Variants in ERC2 observed in about 807,000 individuals in gnomAD.
ERC2 encodes the protein ELKS/RAB6-interacting/CAST family member 2.
In ERC2, 42 loss-of-function variants were observed where a neutral mutation model predicts 114.8. That is an observed-to-expected ratio of 0.37 (90% CI 0.29 to 0.47). The LOEUF (loss-of-function observed/expected upper bound fraction) is 0.47, where lower values mean the gene tolerates loss of function less well. ERC2 is among the 20% of genes least tolerant of loss of function. The probability of loss-of-function intolerance (pLI) is 0.99; values close to 1 mark genes in which losing one functional copy is unlikely to be tolerated. For missense variants in ERC2, 939 were observed against 1,150.7 expected (o/e 0.82, Z 2.66); for synonymous variants, 454 against 425.5 (o/e 1.07, Z -0.82).
At chr3:56,401,168 G>A (rs751345582) in intron 2 of ERC2, among the ~76,000 whole-genome samples, 1 of 152,196 alleles carries the variant, frequency 6.6e-6, no homozygotes, top group South Asian at 2.1e-4. Context: ...ACTACCTGGA[G>A]GTATAAAATG....
intron 14 of ERC2, among the ~76,000 whole-genome samples, chr3:55,885,233 A>G (rs1326567258): frequency 6.6e-6 from 1 of 152,228 alleles, no homozygotes; most frequent in Non-Finnish European, 1.5e-5. Context: ...GATAATACCC[A>G]TCTGACTGTT....
At chr3:56,212,664 C>A (rs956976296) in intron 3 of ERC2, among the ~76,000 whole-genome samples, 1 of 152,114 alleles carries the variant, frequency 6.6e-6, no homozygotes, top group African/African-American at 2.4e-5. Flanking sequence ...ACGTTTATAG[C>A]GGCACAATTT....
chr3:55,733,531 TTC>T lies in ERC2; in HGVS notation c.2712+1238_2712+1239del, dbSNP rs1214034108. On this transcript the variant is annotated intron_variant, in intron 15 of 17. Coordinates refer to ENST00000288221, the MANE Select transcript of ERC2 (RefSeq NM_015576.3). Reference sequence around the variant, plus strand: ...TCTCATTCTCTCTGTCTCTCATTCTTTCTCTCTCTCTCACACACACACACACA... The same window carrying T: ...TCTCATTCTCTCTGTCTCTCATTCTTTCTCTCTCTCACACACACACACACA... Among the ~76,000 whole-genome samples the T allele has an allele frequency of 1.6e-3, 93 of 58,618 alleles. 2 individuals are homozygous for T. Among genetic ancestry groups the T allele is most frequent in the Middle Eastern group, 8.6e-3 (1 of 116 alleles). 38.5% of individuals were successfully genotyped at this position (58,618 alleles called of 152,430 possible). A position where few individuals can be genotyped will look rare whatever the true frequency, so the allele number is the denominator to read the frequency against.
At chr3:56,053,045 A>G (rs531526815) in intron 7 of ERC2, among the ~76,000 whole-genome samples, 1 of 152,324 alleles carries the variant, frequency 6.6e-6, no homozygotes, top group South Asian at 2.1e-4. Flanking sequence ...ACAAGCAGGC[A>G]AAGTGACTGA....
chr3:56,434,058 G>T, intron 2 of ERC2: 1 of 393,418 alleles, frequency 2.5e-6, no homozygotes, highest in Non-Finnish European at 4.6e-6. Flanking sequence ...TGCTGAAAAA[G>T]AAAACAAAAT....
At chr3:55,645,925 C>A (rs2060376194) in intron 17 of ERC2, among the ~76,000 whole-genome samples, 1 of 151,966 alleles carries the variant, frequency 6.6e-6, no homozygotes, top group South Asian at 2.1e-4. Context: ...TGCATTCTTC[C>A]AAAAAAGCCA....
chr3:56,320,363 T>A (rs1355322903), intron 2 of ERC2, among the ~76,000 whole-genome samples: 2 of 152,206 alleles, frequency 1.3e-5, no homozygotes, highest in Non-Finnish European at 2.9e-5. Flanking sequence ...CAAGTTCATC[T>A]GCCATTCAAG....
intron 14 of ERC2, among the ~76,000 whole-genome samples, chr3:55,790,849 G>T (rs1211582514): frequency 6.6e-6 from 1 of 152,230 alleles, no homozygotes; most frequent in East Asian, 1.9e-4. Context: ...AGGAACCCTT[G>T]TTTCATTCCT....
At chr3:56,447,016 G>A (rs2062608083) in intron 1 of ERC2, among the ~76,000 whole-genome samples, 2 of 152,176 alleles carry the variant, frequency 1.3e-5, no homozygotes, top group African/African-American at 4.8e-5. Flanking sequence ...GTGCGCCTCC[G>A]GAAGGGCAAG....
chr3:56,362,281 T>C (rs906813834), intron 2 of ERC2, among the ~76,000 whole-genome samples: 1 of 152,186 alleles, frequency 6.6e-6, no homozygotes, highest in African/African-American at 2.4e-5. Flanking sequence ...GATCATTTTA[T>C]CCAACTTCCT....
intron 13 of ERC2, among the ~76,000 whole-genome samples, chr3:55,912,034 T>C (rs1412670973): frequency 6.6e-6 from 1 of 152,198 alleles, no homozygotes; most frequent in African/African-American, 2.4e-5. Flanking sequence ...ATTGGAGTGA[T>C]CTACCAAAGG....
intron 4 of ERC2, among the ~76,000 whole-genome samples, chr3:56,163,093 T>G (rs1218332836): frequency 6.6e-6 from 1 of 152,128 alleles, no homozygotes; most frequent in Non-Finnish European, 1.5e-5. Context: ...TCAAATAATT[T>G]TTATAGTTCT....
intron 7 of ERC2, among the ~76,000 whole-genome samples, chr3:56,057,135 T>A (rs2149698132): frequency 6.6e-6 from 1 of 152,292 alleles, no homozygotes; most frequent in South Asian, 2.1e-4. Context: ...TGGCTCTAAA[T>A]CTTAACACTT....
At chr3:56,244,528 C>A (rs1160871202) in intron 3 of ERC2, among the ~76,000 whole-genome samples, 1 of 151,888 alleles carries the variant, frequency 6.6e-6, no homozygotes, top group East Asian at 1.9e-4. Flanking sequence ...GTGGGATCAT[C>A]AACATCAACA....
At chr3:55,989,985 A>T (rs187588758) in intron 11 of ERC2, among the ~76,000 whole-genome samples, 1 of 152,324 alleles carries the variant, frequency 6.6e-6, no homozygotes, top group African/African-American at 2.4e-5. Flanking sequence ...CTACAGGCCC[A>T]ATCTCAGGAA....
At chr3:56,448,128 C>T (rs982216375) in intron 1 of ERC2, among the ~76,000 whole-genome samples, 1 of 152,124 alleles carries the variant, frequency 6.6e-6, no homozygotes, top group Admixed American at 6.5e-5. Flanking sequence ...ATCCCCAAAG[C>T]CTCTCTCATG....
At chr3:55,910,006 G>A (rs1049897107) in intron 13 of ERC2, among the ~76,000 whole-genome samples, 7 of 152,152 alleles carry the variant, frequency 4.6e-5, no homozygotes, top group Middle Eastern at 3.4e-3. Flanking sequence ...ATACATATAC[G>A]TTATGTATTC....
intron 17 of ERC2, among the ~76,000 whole-genome samples, chr3:55,666,508 G>T (rs1015627375): frequency 2.6e-5 from 4 of 152,176 alleles, no homozygotes; most frequent in African/African-American, 9.7e-5. Flanking sequence ...CTCTGATAAT[G>T]TTCAAAGTCA....
chr3:56,182,691 C>T (rs1391224753), intron 3 of ERC2, among the ~76,000 whole-genome samples: 1 of 152,132 alleles, frequency 6.6e-6, no homozygotes, highest in East Asian at 1.9e-4. Context: ...CAGTCTGACT[C>T]CAGAGCCACT....
Sources: allele counts gnomAD v4.1 joint callset (sites outside exome capture counted in the v4.1 genomes callset), GRCh38; gene constraint gnomAD v4.1.1; transcripts MANE v1.5; gene names NCBI Gene and HGNC (gene_info 2026-07-23, HGNC 2026-07-21).